Variants in CHIC1 observed in about 807,000 individuals in gnomAD.
The protein encoded by CHIC1 is cysteine-rich hydrophobic domain-containing protein 1.
Under a neutral mutation model 18.5 loss-of-function variants are expected in CHIC1, and 7 were observed. That is an observed-to-expected ratio of 0.38 (90% CI 0.22 to 0.71). The LOEUF (loss-of-function observed/expected upper bound fraction) is 0.71, where lower values mean the gene tolerates loss of function less well. Among genes scored for constraint, CHIC1 ranks in the 30% least tolerant of loss-of-function variants. CHIC1 has a pLI of 0.49. For missense variants in CHIC1, 159 were observed against 176.9 expected, an observed-to-expected ratio of 0.90 and a Z score of 0.57; for synonymous variants, 77 against 73.5, an observed-to-expected ratio of 1.05 and a Z score of -0.25.
chrX:73,666,884 G>C (rs955894731), intron 3 of CHIC1, among the ~76,000 whole-genome samples: 1 of 111,789 alleles, frequency 8.9e-6, no homozygotes, highest in Non-Finnish European at 1.9e-5. Flanking sequence ...TGATCCAGAG[G>C]TGAGTTTAAG....
intron 3 of CHIC1, among the ~76,000 whole-genome samples, chrX:73,615,106 T>A (rs2057726419): frequency 9.0e-6 from 1 of 111,639 alleles, no homozygotes; most frequent in South Asian, 3.7e-4. Flanking sequence ...TGATGTATAG[T>A]CTAGTCTTCA....
At chrX:73,572,625 G>A (rs1253888885) in intron 1 of CHIC1, among the ~76,000 whole-genome samples, 2 of 111,093 alleles carry the variant, frequency 1.8e-5, no homozygotes, top group East Asian at 2.8e-4. Context: ...GCCAACATCT[G>A]TTATTTTTTA....
intron 3 of CHIC1, among the ~76,000 whole-genome samples, chrX:73,610,812 T>C (rs751075160): frequency 9.2e-6 from 1 of 108,315 alleles, no homozygotes; most frequent in Non-Finnish European, 1.9e-5. Flanking sequence ...TGCTGGTAGG[T>C]TATAGTGTCC....
At chrX:73,676,334 C>G (rs1029250117) in intron 3 of CHIC1, among the ~76,000 whole-genome samples, 6 of 112,162 alleles carry the variant, frequency 5.3e-5, no homozygotes, top group African/African-American at 1.9e-4. Flanking sequence ...TGTTTTCCAA[C>G]TTGGATCCAT....
chrX:73,670,977 T>A (rs1245017138), intron 3 of CHIC1, among the ~76,000 whole-genome samples: 1 of 112,306 alleles, frequency 8.9e-6, no homozygotes, highest in African/African-American at 3.2e-5. Context: ...AGAATGTGTA[T>A]CCTGCAATTG....
intron 3 of CHIC1, among the ~76,000 whole-genome samples, chrX:73,678,496 T>G (rs2058082133): frequency 8.9e-6 from 1 of 111,873 alleles, no homozygotes; most frequent in Non-Finnish European, 1.9e-5. Flanking sequence ...AGATAGTCCC[T>G]GGGGTCCTGG....
intron 2 of CHIC1, among the ~76,000 whole-genome samples, chrX:73,581,202 A>G (rs924801539): frequency 1.8e-5 from 2 of 110,766 alleles, no homozygotes; most frequent in Non-Finnish European, 3.8e-5. Flanking sequence ...TGTGTTCCCC[A>G]TGACTGAAGA....
At chrX:73,580,030 A>G (rs1033889645) in intron 2 of CHIC1, among the ~76,000 whole-genome samples, 1 of 110,641 alleles carries the variant, frequency 9.0e-6, no homozygotes, top group African/African-American at 3.3e-5. Context: ...AAGAAATTCT[A>G]GAAATGAATA....
intron 3 of CHIC1, among the ~76,000 whole-genome samples, chrX:73,636,428 G>C (rs1026447519): frequency 9.0e-6 from 1 of 110,829 alleles, no homozygotes; most frequent in Admixed American, 9.6e-5. Flanking sequence ...GGAACTACAG[G>C]TACCCACTGC....
intron 3 of CHIC1, among the ~76,000 whole-genome samples, chrX:73,619,043 A>G (rs767579436): frequency 2.7e-5 from 3 of 111,631 alleles, no homozygotes; most frequent in Non-Finnish European, 5.7e-5. Context: ...GGTAGGGTCA[A>G]ATCTTTCTCC....
chrX:73,655,385 G>GTA (rs199605074), intron 3 of CHIC1, among the ~76,000 whole-genome samples: 1,209 of 97,484 alleles, frequency 0.012, 18 homozygotes, highest in Non-Finnish European at 0.021. Context: ...TTGTGGGTGT[G>GTA]TATATATATG....
Position 73,563,415 on chromosome X carries a change from A to T in CHIC1, c.131A>T (p.Asp44Val). ...SSSSVSGPDD[D>V]EEDEEEEEEE... ...TCGTCGGTATCTGGGCCCGACGATG[A>T]CGAGGAGGATGAGGAGGAAGAGGAG... The change falls in exon 1 of 6, where the codon GAC (aspartate) becomes GTC (valine). Residue 44 changes from aspartate to valine, a missense_variant. By Grantham distance (152) the Asp-to-Val change is radical. Transcript: ENST00000373502. 1.7e-6 allele frequency: 2 copies of T among 1,160,087 alleles called. No individual in the cohort carries two copies. The highest frequency in any genetic ancestry group is 2.3e-6 in the Non-Finnish European group (2 of 869,139).
At chrX:73,606,857 C>T (rs958141535) in intron 3 of CHIC1, among the ~76,000 whole-genome samples, 2 of 109,059 alleles carry the variant, frequency 1.8e-5, no homozygotes, top group Admixed American at 9.6e-5. Context: ...CTGTAAGCTT[C>T]GTCTCAGAGG....
rs770087354 is a variant in CHIC1, at chrX:73,657,774, A to G, written c.508-21552A>G. ...AGATTTTTCATTTATGGCTCTTATC[A>G]TTTTGAGGTATATTCCTTCAATATC... On this transcript the variant is annotated intron_variant, in intron 3 of 5. Transcript: ENST00000373502. Among the ~76,000 whole-genome samples the G allele has an allele frequency of 2.1e-4, 23 of 108,045 alleles. 1 individual carries two copies. The South Asian group carries it at 8.9e-3, about 42-fold the overall frequency. The allele number at this position is 108,045 out of a possible 115,157, so 93.8% of individuals were successfully genotyped here.
intron 3 of CHIC1, among the ~76,000 whole-genome samples, chrX:73,601,462 TG>T (rs1323388098): frequency 9.4e-6 from 1 of 105,977 alleles, no homozygotes; most frequent in Non-Finnish European, 1.9e-5. Flanking sequence ...GAATGACTAC[TG>T]GGTACATAAC....
At chrX:73,642,796 G>T (rs2057864780) in intron 3 of CHIC1, among the ~76,000 whole-genome samples, 1 of 108,596 alleles carries the variant, frequency 9.2e-6, no homozygotes, top group South Asian at 4.1e-4. Context: ...CCCATTGCTT[G>T]TTTTTCTCAG....
intron 3 of CHIC1, among the ~76,000 whole-genome samples, chrX:73,676,176 G>C (rs1342877727): frequency 9.0e-6 from 1 of 111,307 alleles, no homozygotes; most frequent in Admixed American, 9.5e-5. Context: ...TTTTTCCTTC[G>C]TTTCAACTTT....
chrX:73,569,023 G>A (rs746422640), intron 1 of CHIC1, among the ~76,000 whole-genome samples: 1 of 111,346 alleles, frequency 9.0e-6, no homozygotes, highest in South Asian at 3.8e-4. Flanking sequence ...GTATAGTGTG[G>A]AAAGACATTT....
At chrX:73,621,045 TC>T (rs996334133) in intron 3 of CHIC1, among the ~76,000 whole-genome samples, 3 of 111,936 alleles carry the variant, frequency 2.7e-5, no homozygotes, top group Admixed American at 1.9e-4. Flanking sequence ...TCTGTTCTGT[TC>T]CATTGGACTA....
Sources: gnomAD v4.1 joint callset for allele counts (sites outside exome capture counted in the v4.1 genomes callset) on GRCh38, gnomAD v4.1.1 for gene constraint, MANE v1.5 for transcripts, NCBI Gene and HGNC (gene_info 2026-07-23, HGNC 2026-07-21) for gene names.